The following NTRK3 variants were observed in gnomAD, a reference collection of about 807,000 sequenced individuals.
NTRK3 encodes the protein neurotrophic receptor tyrosine kinase 3, also known as NT-3 growth factor receptor.
Under a neutral mutation model 91.7 loss-of-function variants are expected in NTRK3, and 24 were observed. The observed-to-expected ratio is 0.26, with a 90% CI of 0.19 to 0.37. The LOEUF is 0.37. NTRK3 is among the 10% of genes least tolerant of loss of function. The pLI is 1.00. For synonymous variants in NTRK3, 483 were observed against 404.0 expected (o/e 1.20, Z -2.34); for missense variants, 880 against 1,068.9 (o/e 0.82, Z 2.46).
intron 5 of NTRK3, among the ~76,000 whole-genome samples, chr15:88,182,419 T>A (rs1285226482): frequency 6.6e-6 from 1 of 152,122 alleles, no homozygotes; most frequent in East Asian, 1.9e-4. Flanking sequence ...GTGCATGCAA[T>A]TTCTCTCCAG....
chr15:88,095,517 T>C (rs529160505), intron 13 of NTRK3, among the ~76,000 whole-genome samples: 1 of 152,338 alleles, frequency 6.6e-6, no homozygotes, highest in Admixed American at 6.5e-5. Context: ...GCAGGGTTTG[T>C]ATAACTCTCA....
rs564485395 is a variant in NTRK3 at position 87,922,896 on chromosome 15, G to C, written c.2133+6295C>G. Among the ~76,000 whole-genome samples, 3 of 152,266 alleles carry C rather than the reference G, an allele frequency of 2.0e-5. No homozygotes were observed. In the East Asian group the frequency reaches 5.8e-4, roughly 29 times the overall value. On this transcript the variant is annotated intron_variant, in intron 17 of 18. Coordinates refer to ENST00000394480, the Ensembl canonical transcript of NTRK3. ...TCCTCCACCCAATTCATAGGATGTA[G>C]TTTCTTGAATTTACTCTTCTGCTTT...
chr15:88,030,805 C>A (rs1216801150), intron 14 of NTRK3, among the ~76,000 whole-genome samples: 1 of 151,830 alleles, frequency 6.6e-6, no homozygotes, highest in Admixed American at 6.6e-5. Flanking sequence ...AAAAAAAAAA[C>A]CTGTCATCTG....
chr15:87,876,926 C>T (rs1278557286), exon 19 of NTRK3: 4 of 1,613,612 alleles, frequency 2.5e-6, no homozygotes, highest in Non-Finnish European at 3.4e-6. Flanking sequence ...TCATGACCAC[C>T]AGCCACCACT....
chr15:88,135,194 A>G (rs2151191173), exon 10 of NTRK3: 2 of 1,614,206 alleles, frequency 1.2e-6, no homozygotes, highest in Non-Finnish European at 1.7e-6. Context: ...CCATTGTTGT[A>G]GTGGGTGGGC....
intron 14 of NTRK3, among the ~76,000 whole-genome samples, chr15:87,945,823 A>C (rs978241292): frequency 2.6e-5 from 4 of 151,854 alleles, no homozygotes; most frequent in Admixed American, 6.6e-5. Context: ...AAAAAAAAAA[A>C]AAAAAACAGA....
chr15:88,137,826 G>A (rs1262746143), intron 6 of NTRK3, among the ~76,000 whole-genome samples: 1 of 152,226 alleles, frequency 6.6e-6, no homozygotes, highest in Non-Finnish European at 1.5e-5. Flanking sequence ...GTCAAGACAG[G>A]TAGATCATGA....
intron 14 of NTRK3, among the ~76,000 whole-genome samples, chr15:87,981,015 C>G (rs1264437561): frequency 6.6e-6 from 1 of 152,148 alleles, no homozygotes; most frequent in Non-Finnish European, 1.5e-5. Context: ...TCTCCCATAG[C>G]CCTTACCTAG....
intron 3 of NTRK3, among the ~76,000 whole-genome samples, chr15:88,194,361 T>A (rs2047649550): frequency 6.6e-6 from 1 of 152,260 alleles, no homozygotes; most frequent in Non-Finnish European, 1.5e-5. Context: ...CAAATGTGCA[T>A]CTCTGGCAGA....
At chr15:87,861,800 A>G (rs2064532149) in exon 19 of NTRK3, 1 of 199,458 alleles carries the variant, frequency 5.0e-6, no homozygotes, top group South Asian at 1.9e-4. Context: ...AATCTTTATA[A>G]AATTGTATTC....
chr15:87,889,823 G>T lies in NTRK3; in HGVS notation c.2134-9395C>A, dbSNP rs989193200. Among the ~76,000 whole-genome samples the T allele has an allele frequency of 3.3e-5, 5 of 152,012 alleles. No homozygotes were observed. The South Asian group carries it at 6.2e-4, about 19-fold the overall frequency. On this transcript the variant is annotated intron_variant, in intron 17 of 18. Transcript: ENST00000394480. Reference sequence around the variant, plus strand: ...CACCAAATACCATTCAGTGTCAAAAGTTCCCAAATGTTTTCAAGTGATTTT... The same window carrying T: ...CACCAAATACCATTCAGTGTCAAAATTTCCCAAATGTTTTCAAGTGATTTT...
At chr15:88,080,822 C>T (rs1441360420) in intron 13 of NTRK3, among the ~76,000 whole-genome samples, 2 of 152,260 alleles carry the variant, frequency 1.3e-5, no homozygotes, top group African/African-American at 4.8e-5. Flanking sequence ...TGCCAATGAC[C>T]TCCATATGGA....
exon 17 of NTRK3, chr15:87,929,226 T>A (rs754290790): frequency 6.2e-7 from 1 of 1,614,144 alleles, no homozygotes; most frequent in Non-Finnish European, 8.5e-7. Context: ...TCTCTGGACA[T>A]GCCGAAGTCC....
At chr15:87,887,272 A>G (rs138733038) in intron 17 of NTRK3, among the ~76,000 whole-genome samples, 1 of 152,322 alleles carries the variant, frequency 6.6e-6, no homozygotes, top group East Asian at 1.9e-4. Context: ...TGAAGTTTAT[A>G]CTGCATTCTT....
At chr15:88,059,519 A>T (rs2046016317) in intron 13 of NTRK3, among the ~76,000 whole-genome samples, 1 of 152,150 alleles carries the variant, frequency 6.6e-6, no homozygotes. Flanking sequence ...CACTCTGCAC[A>T]TGCTCCACTC....
chr15:87,897,800 A>G (rs2066214397), intron 17 of NTRK3, among the ~76,000 whole-genome samples: 1 of 152,146 alleles, frequency 6.6e-6, no homozygotes, highest in Non-Finnish European at 1.5e-5. Flanking sequence ...AGGCCAAAAA[A>G]TATAAAAATT....
intron 13 of NTRK3, among the ~76,000 whole-genome samples, chr15:88,084,694 A>C (rs1457791644): frequency 6.6e-6 from 1 of 152,178 alleles, no homozygotes; most frequent in African/African-American, 2.4e-5. Context: ...CTGCACAAAG[A>C]CGTCCCCCTG....
chr15:88,254,534 G>A (rs973576691), intron 3 of NTRK3, among the ~76,000 whole-genome samples: 3 of 152,124 alleles, frequency 2.0e-5, no homozygotes, highest in African/African-American at 7.2e-5. Context: ...TGTCAGCTGC[G>A]AGAGCGCAAG....
chr15:87,985,658 G>A (rs1339150737), intron 14 of NTRK3, among the ~76,000 whole-genome samples: 2 of 152,172 alleles, frequency 1.3e-5, no homozygotes, highest in Admixed American at 1.3e-4. Flanking sequence ...CTCAGAGGGA[G>A]GGGGCTGAGG....
Sources: gnomAD v4.1 joint callset for allele counts (sites outside exome capture counted in the v4.1 genomes callset) on GRCh38, gnomAD v4.1.1 for gene constraint, MANE v1.5 for transcripts, NCBI Gene and HGNC (gene_info 2026-07-23, HGNC 2026-07-21) for gene names.